VPS13B: variants seen among roughly 807,000 people sequenced by gnomAD.
VPS13B encodes the protein vacuolar protein sorting 13 homolog B, also known as intermembrane lipid transfer protein VPS13B.
Under a neutral mutation model 426.4 loss-of-function variants are expected in VPS13B, and 285 were observed. That is an observed-to-expected ratio of 0.67 (90% CI 0.61 to 0.74). The LOEUF (loss-of-function observed/expected upper bound fraction) is 0.74, where lower values mean the gene tolerates loss of function less well. Ranked by LOEUF, VPS13B falls within the 30% of genes least tolerant of loss-of-function variation. The pLI is 0.00. For synonymous variants in VPS13B, 1,676 were observed against 1,676.4 expected (o/e 1.00, Z 0.01); for missense variants, 4,537 against 4,782.6 (o/e 0.95, Z 1.51).
At chr8:99,720,016 C>G (rs1199455071) in intron 37 of VPS13B, among the ~76,000 whole-genome samples, 1 of 152,088 alleles carries the variant, frequency 6.6e-6, no homozygotes, top group African/African-American at 2.4e-5. Flanking sequence ...ATCTTCATTG[C>G]CTTCTCTCAG....
At chr8:99,085,649 G>T (rs563820921) in intron 3 of VPS13B, among the ~76,000 whole-genome samples, 5 of 152,118 alleles carry the variant, frequency 3.3e-5, no homozygotes, top group African/African-American at 1.2e-4. Flanking sequence ...AGGCCTGGTG[G>T]TGACAAAATC....
At chr8:99,244,618 GA>G (rs1817112445) in intron 17 of VPS13B, among the ~76,000 whole-genome samples, 1 of 152,174 alleles carries the variant, frequency 6.6e-6, no homozygotes, top group African/African-American at 2.4e-5. Flanking sequence ...GAGTTATTCG[GA>G]TAAGAATGTG....
rs575844841 is a variant in VPS13B, at chr8:99,875,229, T to A, written c.11746-189T>A. 8.7e-5 allele frequency: 69 copies of A among 790,298 alleles called. No individual in the cohort carries two copies. The East Asian group carries it at 1.7e-3, about 19-fold the overall frequency. 49.0% of individuals were successfully genotyped at this position (790,298 alleles called of 1,614,324 possible). Reference sequence around the variant, plus strand: ...CCTAAGTCTCATGCACAACTTTCAGTTATACTGCTAAAACTGCATTGTTAT... The same window carrying A: ...CCTAAGTCTCATGCACAACTTTCAGATATACTGCTAAAACTGCATTGTTAT... On this transcript the variant is annotated intron_variant, in intron 61 of 61. Coordinates refer to ENST00000357162, the MANE Select transcript of VPS13B (RefSeq NM_152564.5).
At chr8:99,107,892 A>T (rs1379849837) in intron 5 of VPS13B, among the ~76,000 whole-genome samples, 1 of 152,206 alleles carries the variant, frequency 6.6e-6, no homozygotes, top group Non-Finnish European at 1.5e-5. Flanking sequence ...CAGGTCTGTT[A>T]CTTGGGTAAA....
At chr8:99,045,593 T>C (rs1176054547) in intron 3 of VPS13B, among the ~76,000 whole-genome samples, 1 of 152,218 alleles carries the variant, frequency 6.6e-6, no homozygotes, top group Non-Finnish European at 1.5e-5. Flanking sequence ...GCATTTGCTT[T>C]TGGGGTCTTG....
At chr8:99,490,652 T>C (rs913418153) in intron 25 of VPS13B, among the ~76,000 whole-genome samples, 1 of 152,238 alleles carries the variant, frequency 6.6e-6, no homozygotes, top group African/African-American at 2.4e-5. Flanking sequence ...GTCCAAGAAC[T>C]TATCCATTCC....
At chr8:99,726,366 T>C (rs548300623) in intron 39 of VPS13B, among the ~76,000 whole-genome samples, 208 of 152,312 alleles carry the variant, frequency 1.4e-3, no homozygotes, top group African/African-American at 4.6e-3. Flanking sequence ...TGGGTCTCAA[T>C]AAAAGAAATT....
rs138107615 is a variant in VPS13B, at chr8:99,157,911, A to G, written c.2208+1168A>G. 4.6e-5 allele frequency among the ~76,000 whole-genome samples: 7 copies of G among 152,328 alleles called. No individual in the cohort carries two copies. In the East Asian group the frequency reaches 1.4e-3, roughly 29 times the overall value. On this transcript the variant is annotated intron_variant, in intron 15 of 61. Coordinates refer to ENST00000357162, the MANE Select transcript of VPS13B (RefSeq NM_152564.5). The stretch of plus-strand genomic sequence containing the variant: ...CAGATAGCAGATCAAACCAGCTACA[A>G]TATTCCCTTAAATGAAAAGCAAGGC...
rs570472368 is a variant in VPS13B at position 99,572,550 on chromosome 8, G to A, written c.4950-3108G>A. The stretch of plus-strand genomic sequence containing the variant: ...TTCCCACCTATGAGTGAGAACATTC[G>A]GTGTTTGGTTTTTTGTTCTTGCAAT... On this transcript the variant is annotated intron_variant, in intron 31 of 61. Transcript: ENST00000357162. Among the ~76,000 whole-genome samples, 6 of 151,662 alleles carry A rather than the reference G, an allele frequency of 4.0e-5. No individual in the cohort carries two copies. The South Asian group carries it at 8.3e-4, about 21-fold the overall frequency.
chr8:99,545,060 A>C (rs1823896016), intron 30 of VPS13B, among the ~76,000 whole-genome samples: 1 of 152,130 alleles, frequency 6.6e-6, no homozygotes, highest in South Asian at 2.1e-4. Context: ...GAGTACAAGA[A>C]AATGCTTTTT....
chr8:99,046,611 C>G (rs1843253161), intron 3 of VPS13B, among the ~76,000 whole-genome samples: 2 of 152,076 alleles, frequency 1.3e-5, no homozygotes, highest in Non-Finnish European at 2.9e-5. Flanking sequence ...GAGTGGGCCT[C>G]CTTGTCTTGT....
At chr8:99,295,317 C>G (rs1053837010) in intron 19 of VPS13B, among the ~76,000 whole-genome samples, 2 of 152,004 alleles carry the variant, frequency 1.3e-5, no homozygotes, top group Middle Eastern at 3.2e-3. Context: ...AAATAAGTAT[C>G]TTTTGAAAGA....
At chr8:99,718,994 C>A (rs930762682) in intron 37 of VPS13B, among the ~76,000 whole-genome samples, 5 of 152,110 alleles carry the variant, frequency 3.3e-5, no homozygotes, top group African/African-American at 7.2e-5. Context: ...CAAGTTTTCA[C>A]CAGTTTCCTT....
At chr8:99,085,087 T>G (rs1234748217) in intron 3 of VPS13B, among the ~76,000 whole-genome samples, 1 of 152,192 alleles carries the variant, frequency 6.6e-6, no homozygotes, top group East Asian at 1.9e-4. Context: ...TATGGGAGTC[T>G]AAGTCTCTTT....
chr8:99,668,693 T>C (rs1241453291), intron 35 of VPS13B, among the ~76,000 whole-genome samples: 2 of 152,084 alleles, frequency 1.3e-5, no homozygotes, highest in Non-Finnish European at 2.9e-5. Context: ...TTGTACCCAT[T>C]AGCAAGGTCA....
At chr8:99,216,297 T>A (rs534425585) in intron 17 of VPS13B, among the ~76,000 whole-genome samples, 1 of 152,256 alleles carries the variant, frequency 6.6e-6, no homozygotes, top group South Asian at 2.1e-4. Context: ...TCCTGTTAGG[T>A]CCTTTCCATT....
intron 31 of VPS13B, among the ~76,000 whole-genome samples, chr8:99,564,360 G>A (rs1398563871): frequency 6.6e-6 from 1 of 152,182 alleles, no homozygotes; most frequent in Non-Finnish European, 1.5e-5. Flanking sequence ...CCCTCCTGAA[G>A]CACTTGACCT....
At chr8:99,495,682 G>A (rs749527898) in intron 25 of VPS13B, among the ~76,000 whole-genome samples, 3 of 152,130 alleles carry the variant, frequency 2.0e-5, no homozygotes, top group Non-Finnish European at 4.4e-5. Flanking sequence ...AAACATTTAG[G>A]CAGTATGAAA....
rs1429445919 is a variant in VPS13B at position 99,139,484 on chromosome 8, C to T, written c.1651+2732C>T. ...ACCGAGTCTTCCTCTGTCGCCCAGG[C>T]TGGAGTACAGTGTTGCAATCTCGAC... On this transcript the variant is annotated intron_variant, in intron 12 of 61. Transcript: ENST00000357162. 3.4e-5 allele frequency among the ~76,000 whole-genome samples: 5 copies of T among 147,652 alleles called. No individual in the cohort carries two copies. In the East Asian group the frequency reaches 1.0e-3, roughly 30 times the overall value.
Sources: allele counts gnomAD v4.1 joint callset (sites outside exome capture counted in the v4.1 genomes callset), GRCh38; gene constraint gnomAD v4.1.1; transcripts MANE v1.5; gene names NCBI Gene and HGNC (gene_info 2026-07-23, HGNC 2026-07-21).